Variants in RIF1 observed in about 807,000 individuals in gnomAD.
RIF1 encodes the protein replication timing regulatory factor 1.
In RIF1, 45 loss-of-function variants were observed where a neutral mutation model predicts 247.1. The ratio of observed to expected loss-of-function variants is 0.18; its 90% confidence interval spans 0.14 to 0.23. RIF1 has a LOEUF of 0.23. Among genes scored for constraint, RIF1 ranks in the 10% least tolerant of loss-of-function variants. The pLI, the probability that RIF1 is intolerant of heterozygous loss-of-function variation, is 1.00. For synonymous variants in RIF1, 1,087 were observed against 978.8 expected, an observed-to-expected ratio of 1.11 and a Z score of -2.06; for missense variants, 2,967 against 2,862.5, an observed-to-expected ratio of 1.04 and a Z score of -0.83.
chr2:151,524,654 C>CTTTTTTTT, the RIF1 span: 49 of 257,384 alleles, frequency 1.9e-4, 4 homozygotes, highest in African/African-American at 6.1e-4. Context: ...AAGAGAGAGG[C>CTTTTTTTT]TTTTTTTTTT....
chr2:151,483,295 A>G (rs546403077), downstream of RIF1: 11 of 152,244 alleles, frequency 7.2e-5, no homozygotes, highest in South Asian at 1.2e-3. Flanking sequence ...AGCAGATGGC[A>G]GGAAGATTAG....
Position 151,499,339 on chromosome 2 carries a change from C to CT in RIF1, c.*514-5dup. On this transcript the variant is annotated splice_polypyrimidine_tract_variant and splice_region_variant and intron_variant and NMD_transcript_variant, in intron 10 of 13. Transcript: ENST00000454583. ...TGATTGTGTTTGACTCTCTCCATCT[C>CT]TGGAGTGATGGGGATTGGAATCCCT... 5.8e-6 allele frequency: 9 copies of CT among 1,546,336 alleles called. No individual in the cohort carries two copies. Among genetic ancestry groups the CT allele is most frequent in the Non-Finnish European group, 7.9e-6 (9 of 1,143,626 alleles).
At chr2:151,455,726 C>T (rs1193947629) in intron 22 of RIF1, among the ~76,000 whole-genome samples, 1 of 152,094 alleles carries the variant, frequency 6.6e-6, no homozygotes, top group African/African-American at 2.4e-5. Context: ...TGTTGAGCAT[C>T]CATGGATTTT....
At chr2:151,533,840 T>C in the RIF1 span, among the ~76,000 whole-genome samples, 1 of 152,376 alleles carries the variant, frequency 6.6e-6, no homozygotes, top group East Asian at 1.9e-4. Flanking sequence ...GAAAGATATA[T>C]AGTAAGGAGT....
chr2:151,414,760 TGC>T lies in RIF1; in HGVS notation c.184-62_184-61del. Reference sequence around the variant, plus strand: ...ATATGCTTGTTCTGTAATCAACTTCTGCTTTCTAAAAATTGATTTACAGTTGT... The same window carrying T: ...ATATGCTTGTTCTGTAATCAACTTCTTTTCTAAAAATTGATTTACAGTTGT... On this transcript the variant is annotated intron_variant, in intron 3 of 35. Transcript: ENST00000444746. The T allele has an allele frequency of 2.6e-6, 3 of 1,145,598 alleles. No individual in the cohort carries two copies. The South Asian group carries it at 4.1e-5, about 15-fold the overall frequency. The allele number at this position is 1,145,598 out of a possible 1,614,324, so 71.0% of individuals were successfully genotyped here. A position where few individuals can be genotyped will look rare whatever the true frequency, so the allele number is the denominator to read the frequency against.
At chr2:151,450,804 G>T (rs933458469) in intron 20 of RIF1, among the ~76,000 whole-genome samples, 1 of 152,018 alleles carries the variant, frequency 6.6e-6, no homozygotes, top group Non-Finnish European at 1.5e-5. Context: ...GGCTGGTCTC[G>T]AACTCCAGAC....
At chr2:151,470,427 A>G (rs1697611547) in intron 34 of RIF1, among the ~76,000 whole-genome samples, 1 of 152,166 alleles carries the variant, frequency 6.6e-6, no homozygotes, top group Non-Finnish European at 1.5e-5. Context: ...AGGACCAGAA[A>G]TGTTTTGGAC....
chr2:151,464,991 A>G lies in RIF1; in HGVS notation c.5471A>G (p.Gln1824Arg). ...SETKSKENTMQESLPSGIVNF... is the reference protein window; with the variant it reads ...SETKSKENTMRESLPSGIVNF... ...ACCAAATCAAAAGAAAACACTATGCAAGAATCTCTTCCTTCTGGAATAGTA... is the reference window on the plus strand; with the variant it reads ...ACCAAATCAAAAGAAAACACTATGCGAGAATCTCTTCCTTCTGGAATAGTA... The change falls in exon 30 of 36, where the codon CAA (glutamine) becomes CGA (arginine). Residue 1824 changes from glutamine (Q) to arginine (R), a missense_variant. Transcript: ENST00000444746. 6.3e-7 allele frequency: 1 copy of G among 1,578,120 alleles called. No homozygotes were observed. Among genetic ancestry groups the G allele is most frequent in the Non-Finnish European group, 8.5e-7 (1 of 1,169,628 alleles).
At chr2:151,501,676 A>AAAGAC (rs1559280105) in intron 11 of RIF1, among the ~76,000 whole-genome samples, 2 of 152,218 alleles carry the variant, frequency 1.3e-5, no homozygotes, top group African/African-American at 4.8e-5. Flanking sequence ...TCTGTCTCTA[A>AAAGAC]AAGACATCAG....
chr2:151,458,969 GTTATAAA>G lies in RIF1; in HGVS notation c.2955+61_2955+67del, dbSNP rs563637321. The G allele has an allele frequency of 1.7e-3, 1,702 of 1,026,082 alleles. 3 individuals carry two copies. Among genetic ancestry groups the G allele is most frequent in the Non-Finnish European group, 2.2e-3 (1,519 of 690,832 alleles). 63.6% of individuals were successfully genotyped at this position (1,026,082 alleles called of 1,614,324 possible). A position where few individuals can be genotyped will look rare whatever the true frequency, so the allele number is the denominator to read the frequency against. ...TGGACATTTAAGTTATTTGTTGAAA[GTTATAAA>G]TAAGTAGAACCTGAACAGAAAAGAG... On this transcript the variant is annotated intron_variant, in intron 25 of 35. Coordinates refer to ENST00000444746, the MANE Select transcript of RIF1 (RefSeq NM_018151.5).
intron 24 of RIF1, among the ~76,000 whole-genome samples, chr2:151,458,355 C>A (rs919034505): frequency 6.6e-6 from 1 of 150,976 alleles, no homozygotes; most frequent in Non-Finnish European, 1.5e-5. Context: ...GCCTCAGCCT[C>A]CTGAGTAGCT....
chr2:151,416,944 A>G (rs1573861278), intron 6 of RIF1, 43 bp downstream of exon 6: 7 of 1,474,638 alleles, frequency 4.7e-6, no homozygotes, highest in South Asian at 3.6e-5. Context: ...TAGTTTTCAT[A>G]AATTTAGCTG....
At position 151,481,992 on chromosome 2, in the gene RIF1, C is replaced by G. The variant is rs943844280; in HGVS notation, c.*6921C>G. 1.3e-5 allele frequency: 2 copies of G among 149,970 alleles called. No individual in the cohort carries two copies. Among genetic ancestry groups the G allele is most frequent in the Non-Finnish European group, 1.5e-5 (1 of 67,652 alleles). The allele number at this position is 149,970 out of a possible 1,614,324, so 9.3% of individuals were successfully genotyped here. On this transcript the variant is annotated 3_prime_UTR_variant, in exon 36 of 36. Coordinates refer to ENST00000444746, the MANE Select transcript of RIF1 (RefSeq NM_018151.5). Reference sequence around the variant, plus strand: ...ACAGTGTTTGAAGTAGGCACACTTACAGTTACTATTTCTGGTTCTTTATGA... The same window carrying G: ...ACAGTGTTTGAAGTAGGCACACTTAGAGTTACTATTTCTGGTTCTTTATGA...
chr2:151,503,641 C>G (rs1188618943), intron 12 of RIF1, among the ~76,000 whole-genome samples: 4 of 151,966 alleles, frequency 2.6e-5, no homozygotes, highest in Non-Finnish European at 4.4e-5. Context: ...ACTTTGAAAA[C>G]TGGGCACTAA....
Position 151,435,524 on chromosome 2 carries a change from A to G in RIF1, c.1139A>G (p.Asn380Ser). 1 of 1,613,004 alleles carries G rather than the reference A, an allele frequency of 6.2e-7. No homozygotes were observed. Among genetic ancestry groups the G allele is most frequent in the South Asian group, 1.1e-5 (1 of 91,062 alleles). Residue 380 changes from asparagine (N) to serine (S), a missense_variant, in exon 11 of 36, where the codon AAT becomes AGT. Physicochemically the swap from Asn to Ser is conservative, Grantham distance 46 (BLOSUM62 1). Transcript: ENST00000444746. ...GATTCTAATGCCTCACCTCAGGGCA[A>G]TTCGTGTCATGTAGCTACATCTCCA... ...SIDSNASPQG[N>S]SCHVATSPGL...
At chr2:151,529,883 A>G in the RIF1 span, among the ~76,000 whole-genome samples, 1 of 152,040 alleles carries the variant, frequency 6.6e-6, no homozygotes, top group Non-Finnish European at 1.5e-5. Context: ...TTGGAACCCT[A>G]TTCATTCAGG....
chr2:151,420,213 A>G lies in RIF1; in HGVS notation c.527A>G (p.Gln176Arg), dbSNP rs746658708. 26 of 1,613,730 alleles carry G rather than the reference A, an allele frequency of 1.6e-5. No individual in the cohort carries two copies. The highest frequency in any genetic ancestry group is 2.2e-5 in the Non-Finnish European group (26 of 1,179,802). The change falls in exon 7 of 36, where the codon CAA becomes CGA. Residue 176 changes from glutamine (Q) to arginine (R), a missense_variant. By Grantham distance (43) the Gln-to-Arg change is conservative. Transcript: ENST00000444746. ...AGGCTAATTGAACAAGCCCCAATTC[A>G]AATGGGAGAAGAGGCAGTGAGGTGG... ...IVRLIEQAPI[Q>R]MGEEAVRWAK...
intron 26 of RIF1, 135 bp downstream of exon 26, chr2:151,460,254 A>T (rs2152483034): frequency 1.5e-6 from 1 of 673,048 alleles, no homozygotes; most frequent in East Asian, 3.2e-5. Context: ...AGGGCATTTG[A>T]TGTAGAAAGA....
Position 151,419,935 on chromosome 2 carries a change from A to G in RIF1, c.504-255A>G, listed in dbSNP as rs188610386. Among the ~76,000 whole-genome samples the G allele has an allele frequency of 2.0e-3, 309 of 152,314 alleles. 3 individuals are homozygous for G. Among genetic ancestry groups the G allele is most frequent in the Non-Finnish European group, 2.6e-3 (180 of 68,028 alleles). ...GCATTATTGTGAGGTCCTGGAACCAATCCCCCAGGGATACTGAGGGATGAC... is the reference window on the plus strand; with the variant it reads ...GCATTATTGTGAGGTCCTGGAACCAGTCCCCCAGGGATACTGAGGGATGAC... On this transcript the variant is annotated intron_variant, in intron 6 of 35. Coordinates refer to ENST00000444746, the MANE Select transcript of RIF1 (RefSeq NM_018151.5).
Sources: allele counts gnomAD v4.1 joint callset (sites outside exome capture counted in the v4.1 genomes callset), GRCh38; gene constraint gnomAD v4.1.1; transcripts MANE v1.5; gene names NCBI Gene and HGNC (gene_info 2026-07-23, HGNC 2026-07-21).